HTR2C: variants seen among roughly 807,000 people sequenced by gnomAD.
HTR2C encodes 5-hydroxytryptamine receptor 2C, also known as 5-hydroxytryptamine (serotonin) receptor 2C, G protein-coupled.
A neutral mutation model predicts 21.0 loss-of-function variants in HTR2C; 5 were observed. The observed-to-expected ratio is 0.24, with a 90% CI of 0.12 to 0.50. The LOEUF is 0.50. Ranked by LOEUF, HTR2C falls within the 20% of genes least tolerant of loss-of-function variation. The pLI, the probability that HTR2C is intolerant of heterozygous loss-of-function variation, is 0.98. For missense variants in HTR2C, 271 were observed against 371.2 expected (o/e 0.73, Z 2.22); for synonymous variants, 150 against 145.3 (o/e 1.03, Z -0.23).
chrX:114,791,272 C>A (rs2070229718), intron 4 of HTR2C, among the ~76,000 whole-genome samples: 1 of 112,369 alleles, frequency 8.9e-6, no homozygotes, highest in Non-Finnish European at 1.9e-5. Flanking sequence ...TCTGAATGTG[C>A]TTATGAATAT....
At chrX:114,703,234 C>T (rs1247466113) in intron 2 of HTR2C, among the ~76,000 whole-genome samples, 2 of 107,181 alleles carry the variant, frequency 1.9e-5, no homozygotes, top group Non-Finnish European at 3.9e-5. Flanking sequence ...CAGAACTCTC[C>T]ACCCCAAATC....
chrX:114,740,187 A>G (rs1225173069), intron 4 of HTR2C, among the ~76,000 whole-genome samples: 2 of 109,745 alleles, frequency 1.8e-5, no homozygotes, highest in East Asian at 5.6e-4. Flanking sequence ...ATTTATATAT[A>G]TATATATGGT....
intron 1 of HTR2C, among the ~76,000 whole-genome samples, chrX:114,587,247 A>T (rs2147785409): frequency 8.9e-6 from 1 of 111,995 alleles, no homozygotes; most frequent in African/African-American, 3.2e-5. Context: ...CTGCTGAAAG[A>T]TAAATTAATT....
intron 1 of HTR2C, among the ~76,000 whole-genome samples, chrX:114,608,026 A>C (rs185482936): frequency 9.0e-6 from 1 of 111,548 alleles, no homozygotes; most frequent in African/African-American, 3.3e-5. Context: ...TCTTACATGT[A>C]TAAAATGTTT....
intron 4 of HTR2C, among the ~76,000 whole-genome samples, chrX:114,740,334 G>A (rs980544790): frequency 1.8e-5 from 2 of 109,642 alleles, no homozygotes; most frequent in Non-Finnish European, 3.8e-5. Flanking sequence ...CAAGGCTATG[G>A]GGACATCAGC....
chrX:114,720,179 G>C (rs988454354), intron 2 of HTR2C, among the ~76,000 whole-genome samples: 2 of 110,791 alleles, frequency 1.8e-5, no homozygotes, highest in African/African-American at 6.6e-5. Flanking sequence ...CTAATGGTCA[G>C]GGTGATATAG....
intron 4 of HTR2C, among the ~76,000 whole-genome samples, chrX:114,801,490 G>A (rs1386212023): frequency 3.6e-5 from 4 of 110,822 alleles, no homozygotes; most frequent in Admixed American, 9.7e-5. Context: ...TTTTAATTTT[G>A]TGAGTTAGAT....
intron 4 of HTR2C, among the ~76,000 whole-genome samples, chrX:114,812,764 AC>A (rs2070547747): frequency 4.6e-5 from 5 of 109,687 alleles, no homozygotes; most frequent in African/African-American, 1.3e-4. Context: ...AAAAAAAAAA[AC>A]AAAAAAACAA....
At chrX:114,619,477 C>T (rs1556401176) in intron 2 of HTR2C, among the ~76,000 whole-genome samples, 1 of 111,383 alleles carries the variant, frequency 9.0e-6, no homozygotes, top group Non-Finnish European at 1.9e-5. Flanking sequence ...CCTCACCCCC[C>T]TCATGAATAG....
chrX:114,678,675 G>A (rs1324808055), intron 2 of HTR2C, among the ~76,000 whole-genome samples: 1 of 111,304 alleles, frequency 9.0e-6, no homozygotes, highest in Non-Finnish European at 1.9e-5. Flanking sequence ...GAATGTGAAA[G>A]TGCTTTGTAA....
chrX:114,655,249 T>A (rs1930738913), intron 2 of HTR2C, among the ~76,000 whole-genome samples: 1 of 110,968 alleles, frequency 9.0e-6, no homozygotes, highest in Admixed American at 9.6e-5. Context: ...ACAGTTAATT[T>A]GAGTTGTGTG....
chrX:114,646,730 A>G (rs1302330318), intron 2 of HTR2C, among the ~76,000 whole-genome samples: 1 of 112,099 alleles, frequency 8.9e-6, no homozygotes, highest in Non-Finnish European at 1.9e-5. Context: ...TTGGGGTCAT[A>G]TCTAAAAAAT....
At chrX:114,602,920 C>G (rs1257221412) in intron 1 of HTR2C, among the ~76,000 whole-genome samples, 5 of 103,097 alleles carry the variant, frequency 4.8e-5, no homozygotes, top group African/African-American at 1.8e-4. Flanking sequence ...GAAGTTATTT[C>G]CTTGAGGATA....
At chrX:114,584,790 G>A in intron 1 of HTR2C, 131 bp downstream of exon 1, 1 of 111,331 alleles carries the variant, frequency 9.0e-6, no homozygotes, top group Non-Finnish European at 1.9e-5. Flanking sequence ...CGGAGGTTGG[G>A]GGGAGGGACT....
intron 4 of HTR2C, among the ~76,000 whole-genome samples, chrX:114,737,977 T>G (rs2069607644): frequency 8.9e-6 from 1 of 112,325 alleles, no homozygotes; most frequent in African/African-American, 3.2e-5. Context: ...GAAGAAAGGA[T>G]GCTATAGACC....
At chrX:114,750,846 G>A (rs17095530) in intron 4 of HTR2C, among the ~76,000 whole-genome samples, 2,316 of 111,807 alleles carry the variant, frequency 0.021, 65 homozygotes, top group African/African-American at 0.071. Context: ...AAGAAAGGTA[G>A]CAGACACAAT....
At chrX:114,905,159 G>T (rs185410150) in intron 5 of HTR2C, among the ~76,000 whole-genome samples, 1 of 110,756 alleles carries the variant, frequency 9.0e-6, no homozygotes, top group Non-Finnish European at 1.9e-5. Flanking sequence ...GGTGTGCCTA[G>T]GTTCAGAGCT....
chrX:114,618,067 TTTATAA>T (rs1929018021), intron 2 of HTR2C, among the ~76,000 whole-genome samples: 2 of 112,260 alleles, frequency 1.8e-5, no homozygotes, highest in South Asian at 7.2e-4. Flanking sequence ...TAAATGATCC[TTTATAA>T]TTATCAGTTG....
At chrX:114,638,407 T>G (rs1359506892) in intron 2 of HTR2C, among the ~76,000 whole-genome samples, 4 of 111,639 alleles carry the variant, frequency 3.6e-5, no homozygotes, top group African/African-American at 1.3e-4. Context: ...AGCAAGCATA[T>G]AGATCAAATA....
Sources: gnomAD v4.1 joint callset for allele counts (sites outside exome capture counted in the v4.1 genomes callset) on GRCh38, gnomAD v4.1.1 for gene constraint, MANE v1.5 for transcripts, NCBI Gene and HGNC (gene_info 2026-07-23, HGNC 2026-07-21) for gene names.